IGBP1C: variants seen among roughly 807,000 people sequenced by gnomAD.
IGBP1C encodes the protein IGBP1 family member C.
chr17:58,665,101 T>C, the IGBP1C span, among the ~76,000 whole-genome samples: 1 of 152,164 alleles, frequency 6.6e-6, no homozygotes. Context: ...TGGAATATGA[T>C]GTGGGCAACA....
the IGBP1C span, chr17:58,679,625 G>A: frequency 2.0e-5 from 3 of 152,202 alleles, no homozygotes; most frequent in Admixed American, 6.6e-5. Flanking sequence ...CACAATGCAA[G>A]AGACAAACCT....
At chr17:58,687,931 T>C in the IGBP1C span, among the ~76,000 whole-genome samples, 2 of 152,292 alleles carry the variant, frequency 1.3e-5, no homozygotes, top group East Asian at 3.9e-4. Flanking sequence ...AGAGAATCTA[T>C]CTTGTTTACC....
chr17:58,661,139 G>A, the IGBP1C span: 2 of 842,862 alleles, frequency 2.4e-6, no homozygotes, highest in South Asian at 1.3e-5. Flanking sequence ...TCTTTGAGAT[G>A]CCATAGCAAC....
the IGBP1C span, among the ~76,000 whole-genome samples, chr17:58,674,412 G>A: frequency 6.6e-6 from 1 of 152,196 alleles, no homozygotes; most frequent in Non-Finnish European, 1.5e-5. Flanking sequence ...GCTCACGCCT[G>A]TAATCCTAGC....
At chr17:58,661,604 GGAAGGCTGATGC>G in the IGBP1C span, 1 of 712,760 alleles carries the variant, frequency 1.4e-6, no homozygotes, top group South Asian at 1.6e-5. Flanking sequence ...TGCCATCTTG[GGAAGGCTGATGC>G]GAAATGTTGA....
At chr17:58,678,853 T>TAATAATAAA in the IGBP1C span, among the ~76,000 whole-genome samples, 30 of 146,760 alleles carry the variant, frequency 2.0e-4, no homozygotes, top group African/African-American at 6.6e-4. Context: ...ATAATAATAA[T>TAATAATAAA]AAAAGAGAAG....
the IGBP1C span, among the ~76,000 whole-genome samples, chr17:58,664,528 C>T: frequency 6.6e-6 from 1 of 152,130 alleles, no homozygotes; most frequent in Admixed American, 6.6e-5. Context: ...AGGTCCAGTC[C>T]GCTGGCCTAG....
chr17:58,673,265 G>A, the IGBP1C span, among the ~76,000 whole-genome samples: 2 of 151,292 alleles, frequency 1.3e-5, no homozygotes, highest in East Asian at 2.0e-4. Flanking sequence ...TGGATTATAA[G>A]GTCAGGAGTT....
At chr17:58,664,714 T>C in the IGBP1C span, among the ~76,000 whole-genome samples, 1 of 152,238 alleles carries the variant, frequency 6.6e-6, no homozygotes, top group Non-Finnish European at 1.5e-5. Flanking sequence ...TGATAAAATA[T>C]ATACATTTCC....
At chr17:58,678,204 T>C in the IGBP1C span, among the ~76,000 whole-genome samples, 1 of 152,112 alleles carries the variant, frequency 6.6e-6, no homozygotes, top group Non-Finnish European at 1.5e-5. Context: ...ATGAAAAGCT[T>C]ATCCAGATGG....
the IGBP1C span, chr17:58,661,281 C>T: frequency 1.2e-6 from 1 of 806,974 alleles, no homozygotes; most frequent in Admixed American, 1.7e-5. Flanking sequence ...TGTTCGCGAG[C>T]CTGCTGCAAA....
the IGBP1C span, among the ~76,000 whole-genome samples, chr17:58,662,450 C>G: frequency 1.3e-5 from 2 of 150,166 alleles, no homozygotes. Flanking sequence ...CACACACACA[C>G]ACAGAATCAA....
At chr17:58,691,444 G>A in the IGBP1C span, among the ~76,000 whole-genome samples, 1 of 151,748 alleles carries the variant, frequency 6.6e-6, no homozygotes, top group Non-Finnish European at 1.5e-5. Flanking sequence ...CGAGGCAGGC[G>A]GATCACGAGG....
the IGBP1C span, among the ~76,000 whole-genome samples, chr17:58,681,197 T>G: frequency 7.9e-5 from 12 of 152,246 alleles, no homozygotes; most frequent in Admixed American, 2.6e-4. Flanking sequence ...GAACCCAGGC[T>G]GCAGTGAGCC....
the IGBP1C span, chr17:58,661,741 AG>A: frequency 1.8e-6 from 1 of 564,284 alleles, no homozygotes; most frequent in African/African-American, 1.9e-5. Flanking sequence ...GGGGCGGCAT[AG>A]GGGAAGGCAA....
the IGBP1C span, among the ~76,000 whole-genome samples, chr17:58,666,007 C>T: frequency 6.6e-6 from 1 of 151,418 alleles, no homozygotes; most frequent in Non-Finnish European, 1.5e-5. Flanking sequence ...CGAGATTGTG[C>T]CACTCAACTC....
chr17:58,685,400 C>T, the IGBP1C span, among the ~76,000 whole-genome samples: 8 of 150,044 alleles, frequency 5.3e-5, no homozygotes, highest in South Asian at 2.1e-4. Flanking sequence ...CACACCACCG[C>T]ACTCCAGCCT....
chr17:58,661,819 G>A, the IGBP1C span: 3 of 479,952 alleles, frequency 6.3e-6, no homozygotes, highest in Non-Finnish European at 7.3e-6. Context: ...TTGTCTCTCT[G>A]TTTCCGTTTC....
chr17:58,667,891 TAAAA>T, the IGBP1C span, among the ~76,000 whole-genome samples: 5 of 102,800 alleles, frequency 4.9e-5, no homozygotes, highest in African/African-American at 7.4e-5. Context: ...AGACTCTGGC[TAAAA>T]AAAAAAAAAA....
Sources: gnomAD v4.1 joint callset for allele counts (sites outside exome capture counted in the v4.1 genomes callset) on GRCh38, gnomAD v4.1.1 for gene constraint, MANE v1.5 for transcripts, NCBI Gene and HGNC (gene_info 2026-07-23, HGNC 2026-07-21) for gene names.